EDEM1: variants seen among roughly 807,000 people sequenced by gnomAD.
The protein encoded by EDEM1 is ER degradation-enhancing alpha-mannosidase-like protein 1.
In EDEM1, 67 loss-of-function variants were observed where a neutral mutation model predicts 74.4. That is an observed-to-expected ratio of 0.90 (90% CI 0.74 to 1.10). EDEM1 has a LOEUF of 1.10. EDEM1 is among the 50% of genes least tolerant of loss of function. EDEM1 has a pLI of 0.00. For synonymous variants in EDEM1, 382 were observed against 335.9 expected (o/e 1.14, Z -1.50); for missense variants, 926 against 851.6 (o/e 1.09, Z -1.09).
intron 8 of EDEM1, among the ~76,000 whole-genome samples, chr3:5,209,686 G>C (rs2055144376): frequency 1.3e-5 from 2 of 152,258 alleles, no homozygotes; most frequent in African/African-American, 4.8e-5. Context: ...GATTTCTCAG[G>C]GTGATTAGAA....
chr3:5,207,918 T>C (rs1342054207), intron 7 of EDEM1, among the ~76,000 whole-genome samples, 175 bp from the exon 8 acceptor site: 1 of 152,240 alleles, frequency 6.6e-6, no homozygotes, highest in Non-Finnish European at 1.5e-5. Context: ...AGTGGCCAGA[T>C]AGGGAGGGCA....
In EDEM1 at chr3:5,215,919, T is replaced by C. The variant is rs2055229187; in HGVS notation, c.*1T>C. 13 of 1,612,272 alleles carry C rather than the reference T, an allele frequency of 8.1e-6. No individual in the cohort carries two copies. Among genetic ancestry groups the C allele is most frequent in the Non-Finnish European group, 1.1e-5 (13 of 1,179,224 alleles). ...TGACCAGATGGTTGGTTTGATTTGA[T>C]CTGCTCTCTGTGAGGCCTCATCTTG... On this transcript the variant is annotated 3_prime_UTR_variant, in exon 12 of 12. Coordinates refer to ENST00000256497, the MANE Select transcript of EDEM1 (RefSeq NM_014674.3).
chr3:5,188,247 C>T lies in EDEM1; in HGVS notation c.442C>T (p.His148Tyr), dbSNP rs529353772. The change falls in exon 1 of 12, where the codon CAC (histidine) becomes TAC (tyrosine). Residue 148 changes from histidine to tyrosine, a missense_variant. By Grantham distance (83) the His-to-Tyr change is moderately conservative. Coordinates refer to ENST00000256497, the MANE Select transcript of EDEM1 (RefSeq NM_014674.3). ...FVFGYDNYMA[H>Y]AFPQDELNPI... is the part of the protein sequence containing the mutation. Reference sequence around the variant, plus strand: ...CTTTGGCTACGACAACTACATGGCTCACGCCTTCCCCCAGGACGAGCTCAA... The same window carrying T: ...CTTTGGCTACGACAACTACATGGCTTACGCCTTCCCCCAGGACGAGCTCAA... 6 of 1,579,884 alleles carry T rather than the reference C, an allele frequency of 3.8e-6. No homozygotes were observed. The highest frequency in any genetic ancestry group is 1.8e-5 in the Admixed American group (1 of 56,280).
chr3:5,211,128 A>G lies in EDEM1; in HGVS notation c.1592A>G (p.Tyr531Cys), dbSNP rs2055161901. 3.7e-6 allele frequency: 6 copies of G among 1,614,144 alleles called. No homozygotes were observed. The highest frequency in any genetic ancestry group is 5.1e-6 in the Non-Finnish European group (6 of 1,180,020). Reference sequence around the variant, plus strand: ...AGATGATTGTTTTGTAGGTGTGGGTACGCCACGCTGCATCACGTCATTGAC... The same window carrying G: ...AGATGATTGTTTTGTAGGTGTGGGTGCGCCACGCTGCATCACGTCATTGAC... ...LEKYTKVKCG[Y>C]ATLHHVIDKS... The change falls in exon 10 of 12, where the codon TAC becomes TGC. Residue 531 changes from tyrosine (Y) to cysteine (C), a missense_variant. Tyr to Cys is a radical substitution (Grantham distance 194, BLOSUM62 -2). Transcript: ENST00000256497.
intron 10 of EDEM1, 82 bp from the exon 11 acceptor site, chr3:5,213,237 T>C: frequency 7.3e-7 from 1 of 1,371,164 alleles, no homozygotes; most frequent in Admixed American, 2.2e-5. Flanking sequence ...TTCTACTCCC[T>C]GAGTAGCTGG....
intron 8 of EDEM1, 24 bp downstream of exon 8, chr3:5,208,287 T>C (rs1188136063): frequency 6.2e-7 from 1 of 1,600,920 alleles, no homozygotes; most frequent in Non-Finnish European, 8.5e-7. Flanking sequence ...GTTTTTTTTT[T>C]TTTCCTTTCA....
chr3:5,198,662 C>CTTTTTTTTTT (rs57260414), intron 2 of EDEM1, among the ~76,000 whole-genome samples: 7 of 75,158 alleles, frequency 9.3e-5, no homozygotes, highest in East Asian at 4.4e-4. Flanking sequence ...ACGTATATAG[C>CTTTTTTTTTT]TTTTTTTTTT....
chr3:5,192,162 C>T (rs535716912), intron 1 of EDEM1, among the ~76,000 whole-genome samples: 26 of 152,278 alleles, frequency 1.7e-4, no homozygotes, highest in Admixed American at 3.9e-4. Context: ...TTGCTCAGTT[C>T]TTCTTTTGAT....
rs574901799 is a variant in EDEM1, at chr3:5,195,793, C to G, written c.582+512C>G. On this transcript the variant is annotated intron_variant, in intron 2 of 11. Transcript: ENST00000256497. ...GGACACTCCATGCCTGAGCTGCCAACGTGGGTGCTGGCATTACTGCCTCAT... is the reference window on the plus strand; with the variant it reads ...GGACACTCCATGCCTGAGCTGCCAAGGTGGGTGCTGGCATTACTGCCTCAT... Among the ~76,000 whole-genome samples the G allele has an allele frequency of 1.4e-3, 208 of 152,354 alleles. 1 individual carries two copies. Among genetic ancestry groups the G allele is most frequent in the African/African-American group, 4.9e-3 (203 of 41,584 alleles).
chr3:5,206,210 C>CTT (rs762318338), intron 6 of EDEM1, among the ~76,000 whole-genome samples: 2,431 of 140,046 alleles, frequency 0.017, 64 homozygotes, highest in African/African-American at 0.06. Context: ...CCAGATCTTT[C>CTT]TTTTTTTTTT....
chr3:5,187,723 G>C lies in EDEM1; in HGVS notation c.-83G>C. On this transcript the variant is annotated 5_prime_UTR_variant, in exon 1 of 12. Coordinates refer to ENST00000256497, the MANE Select transcript of EDEM1 (RefSeq NM_014674.3). ...GAGTTCCTTAAAGGGGAAGCGAGCCGGGCTACGGGGCGAGCGCGGGGTGCG... is the reference window on the plus strand; with the variant it reads ...GAGTTCCTTAAAGGGGAAGCGAGCCCGGCTACGGGGCGAGCGCGGGGTGCG... The C allele has an allele frequency of 7.1e-7, 1 of 1,407,554 alleles. No individual in the cohort carries two copies. The highest frequency in any genetic ancestry group is 9.3e-7 in the Non-Finnish European group (1 of 1,081,056). The allele number at this position is 1,407,554 out of a possible 1,614,324, so 87.2% of individuals were successfully genotyped here. A position where few individuals can be genotyped will look rare whatever the true frequency, so the allele number is the denominator to read the frequency against.
intron 1 of EDEM1, among the ~76,000 whole-genome samples, chr3:5,188,939 A>G (rs1263301501): frequency 6.6e-6 from 1 of 152,140 alleles, no homozygotes; most frequent in Non-Finnish European, 1.5e-5. Flanking sequence ...TGGGGTCCAG[A>G]TACTTGAGGT....
rs3821625 is a variant in EDEM1 at position 5,218,427 on chromosome 3, T to C, written c.*2509T>C. On this transcript the variant is annotated 3_prime_UTR_variant, in exon 12 of 12. Coordinates refer to ENST00000256497, the MANE Select transcript of EDEM1 (RefSeq NM_014674.3). Reference sequence around the variant, plus strand: ...CCTGCAGGGCTTTTGCAGTTTCTTCTGTTCTGTGTTCTGAAATACTGGGTA... The same window carrying C: ...CCTGCAGGGCTTTTGCAGTTTCTTCCGTTCTGTGTTCTGAAATACTGGGTA... 3 of 152,146 alleles carry C rather than the reference T, an allele frequency of 2.0e-5. No individual in the cohort carries two copies. In the East Asian group the frequency reaches 5.8e-4, roughly 29 times the overall value. 9.4% of individuals were successfully genotyped at this position (152,146 alleles called of 1,614,324 possible). A position where few individuals can be genotyped will look rare whatever the true frequency, so the allele number is the denominator to read the frequency against.
intron 1 of EDEM1, among the ~76,000 whole-genome samples, chr3:5,191,407 T>C (rs1424485300): frequency 6.6e-6 from 1 of 151,516 alleles, no homozygotes; most frequent in Non-Finnish European, 1.5e-5. Context: ...TTTTTTTTAA[T>C]TTTTCTGTAG....
Position 5,215,825 on chromosome 3 carries a change from C to G in EDEM1, c.1885-4C>G. On this transcript the variant is annotated splice_region_variant and splice_polypyrimidine_tract_variant and intron_variant, in intron 11 of 11. Coordinates refer to ENST00000256497, the MANE Select transcript of EDEM1 (RefSeq NM_014674.3). ...TTAATTTTCCCTCGTTTTTGTCTTT[C>G]TAGTGCAATCGTGTACCTGATGAGA... 1 of 1,612,726 alleles carries G rather than the reference C, an allele frequency of 6.2e-7. No homozygotes were observed. The highest frequency in any genetic ancestry group is 8.5e-7 in the Non-Finnish European group (1 of 1,179,178).
At position 5,215,922 on chromosome 3, in the gene EDEM1, G is replaced by C. The variant is rs748985596; in HGVS notation, c.*4G>C. On this transcript the variant is annotated 3_prime_UTR_variant, in exon 12 of 12. Transcript: ENST00000256497. ...CCAGATGGTTGGTTTGATTTGATCT[G>C]CTCTCTGTGAGGCCTCATCTTGAAC... 1.2e-6 allele frequency: 2 copies of C among 1,611,082 alleles called. No individual in the cohort carries two copies. The highest frequency in any genetic ancestry group is 2.2e-5 in the South Asian group (2 of 90,422).
At chr3:5,211,329 T>G (rs2055164715) in intron 10 of EDEM1, 113 bp downstream of exon 10, 2 of 1,027,706 alleles carry the variant, frequency 1.9e-6, no homozygotes, top group Admixed American at 4.1e-5. Context: ...CTGGACATTG[T>G]GCATTCCCAG....
At chr3:5,199,552 T>C in intron 2 of EDEM1, 40 bp from the exon 3 acceptor site, 1 of 1,502,524 alleles carries the variant, frequency 6.7e-7, no homozygotes, top group Non-Finnish European at 9.2e-7. Context: ...CTCAGTTTCA[T>C]TTCAAGTTGC....
intron 3 of EDEM1, 75 bp from the exon 4 acceptor site, chr3:5,201,678 C>G (rs2055036545): frequency 4.5e-6 from 7 of 1,568,402 alleles, no homozygotes; most frequent in Non-Finnish European, 6.1e-6. Flanking sequence ...GAACATACTT[C>G]TATCTTTCTG....
Sources: gnomAD v4.1 joint callset for allele counts (sites outside exome capture counted in the v4.1 genomes callset) on GRCh38, gnomAD v4.1.1 for gene constraint, MANE v1.5 for transcripts, NCBI Gene and HGNC (gene_info 2026-07-23, HGNC 2026-07-21) for gene names.